SYN3: variants seen among roughly 807,000 people sequenced by gnomAD.
SYN3 encodes synapsin III.
Under a neutral mutation model 65.8 loss-of-function variants are expected in SYN3, and 35 were observed. The ratio of observed to expected loss-of-function variants is 0.53; its 90% CI spans 0.41 to 0.70. The LOEUF is 0.70. Among genes scored for constraint, SYN3 ranks in the 30% least tolerant of loss-of-function variants. The probability of loss-of-function intolerance (pLI) is 0.00; values close to 1 mark genes in which losing one functional copy is unlikely to be tolerated. For synonymous variants in SYN3, 270 were observed against 292.9 expected (o/e 0.92, Z 0.80); for missense variants, 680 against 749.0 (o/e 0.91, Z 1.08).
intron 2 of SYN3, 85 bp from the exon 3 acceptor site, chr22:32,980,787 T>TC: frequency 8.2e-7 from 1 of 1,217,746 alleles, no homozygotes; most frequent in Non-Finnish European, 1.2e-6. Flanking sequence ...ACCCCAGAGG[T>TC]GCATATTGAG....
intron 6 of SYN3, chr22:32,859,684 G>A: frequency 2.8e-6 from 1 of 359,632 alleles, no homozygotes; most frequent in Non-Finnish European, 5.0e-6. Flanking sequence ...TATTTTTTTA[G>A]GAAAACAAAA....
intron 6 of SYN3, among the ~76,000 whole-genome samples, chr22:32,851,532 G>A (rs2048217353): frequency 6.6e-6 from 1 of 152,144 alleles, no homozygotes; most frequent in Non-Finnish European, 1.5e-5. Flanking sequence ...CTCCCAGACT[G>A]GTGGGCTTAG....
intron 2 of SYN3, among the ~76,000 whole-genome samples, chr22:32,998,784 A>AC (rs1601874337): frequency 9.6e-5 from 13 of 135,870 alleles, no homozygotes; most frequent in Admixed American, 3.0e-4. Context: ...AGTAAAAAAA[A>AC]AAAAAAAAAA....
chr22:32,841,227 G>T (rs575265814), intron 6 of SYN3, among the ~76,000 whole-genome samples: 1 of 152,344 alleles, frequency 6.6e-6, no homozygotes, highest in East Asian at 1.9e-4. Flanking sequence ...AGAACCTGCT[G>T]CCCGGGGAGG....
chr22:32,535,114 G>C (rs1469635320), intron 9 of SYN3, among the ~76,000 whole-genome samples: 1 of 152,132 alleles, frequency 6.6e-6, no homozygotes, highest in Non-Finnish European at 1.5e-5. Flanking sequence ...GGAGGAACAG[G>C]CTCAGAGCGA....
At chr22:32,917,287 C>G (rs1454734611) in intron 4 of SYN3, among the ~76,000 whole-genome samples, 1 of 152,100 alleles carries the variant, frequency 6.6e-6, no homozygotes, top group Non-Finnish European at 1.5e-5. Context: ...CAATATTAAG[C>G]TGTGTCAACC....
intron 6 of SYN3, among the ~76,000 whole-genome samples, chr22:32,631,240 A>C (rs999244171): frequency 1.3e-5 from 2 of 151,660 alleles, no homozygotes; most frequent in East Asian, 3.9e-4. Flanking sequence ...GGTTGCAGTG[A>C]GCCAAGATCA....
intron 6 of SYN3, among the ~76,000 whole-genome samples, chr22:32,819,260 AGATCCCCAG>A (rs2047170973): frequency 6.6e-6 from 1 of 152,246 alleles, no homozygotes; most frequent in South Asian, 2.1e-4. Context: ...TGCTCACTGC[AGATCCCCAG>A]GACCAAAGGT....
In SYN3 at chr22:32,887,387, A is replaced by G. The variant is rs117827677; in HGVS notation, c.462-18262T>C. On this transcript the variant is annotated intron_variant, in intron 4 of 13. Coordinates refer to ENST00000358763, the MANE Select transcript of SYN3 (RefSeq NM_003490.4). ...CGAGACCGTGTCTCAGAAAAGAAAA[A>G]AAAAAAAGAACTGTGTGCAACTTCC... Among the ~76,000 whole-genome samples the G allele has an allele frequency of 1.5e-3, 222 of 152,228 alleles. 6 individuals carry two copies. In the East Asian group the frequency reaches 0.037, roughly 25 times the overall value.
chr22:32,930,101 G>A (rs572780384), intron 4 of SYN3, among the ~76,000 whole-genome samples: 43 of 152,268 alleles, frequency 2.8e-4, no homozygotes, highest in African/African-American at 1.0e-3. Flanking sequence ...AATAAAGAAT[G>A]GCTGAATTAG....
At chr22:32,882,461 A>G (rs2049168370) in intron 4 of SYN3, among the ~76,000 whole-genome samples, 1 of 152,198 alleles carries the variant, frequency 6.6e-6, no homozygotes, top group Non-Finnish European at 1.5e-5. Flanking sequence ...TTGTGAACAT[A>G]AGGGAAACAA....
At chr22:32,553,265 T>A (rs1484409537) in intron 7 of SYN3, among the ~76,000 whole-genome samples, 3 of 152,252 alleles carry the variant, frequency 2.0e-5, no homozygotes, top group African/African-American at 7.2e-5. Context: ...CCTTAAAGCA[T>A]GATTCAAAGA....
chr22:32,808,332 T>C (rs997429383), intron 6 of SYN3, among the ~76,000 whole-genome samples: 2 of 152,120 alleles, frequency 1.3e-5, no homozygotes, highest in Non-Finnish European at 2.9e-5. Context: ...CACTCATCTG[T>C]CTCCCTTCTT....
At chr22:32,997,543 C>A (rs143895010) in intron 2 of SYN3, among the ~76,000 whole-genome samples, 1 of 152,136 alleles carries the variant, frequency 6.6e-6, no homozygotes, top group East Asian at 1.9e-4. Context: ...GCTCTGCCCC[C>A]CTCACCTTTA....
rs532682732 is a variant in SYN3, at chr22:32,534,741, G to A, written c.993-846C>T. On this transcript the variant is annotated intron_variant, in intron 9 of 13. Transcript: ENST00000358763. ...CACGGGGCACGCCTACTCTCACATCGCTTTGCGTCTCTGAGCCACAAGTGC... is the reference window on the plus strand; with the variant it reads ...CACGGGGCACGCCTACTCTCACATCACTTTGCGTCTCTGAGCCACAAGTGC... 2.4e-4 allele frequency among the ~76,000 whole-genome samples: 36 copies of A among 152,240 alleles called. No homozygotes were observed. The South Asian group carries it at 7.0e-3, about 30-fold the overall frequency.
chr22:33,027,583 T>A (rs113913208), intron 1 of SYN3, among the ~76,000 whole-genome samples: 1 of 139,636 alleles, frequency 7.2e-6, no homozygotes, highest in African/African-American at 2.7e-5. Flanking sequence ...GGCGACAGAG[T>A]GAGACTCTGA....
intron 4 of SYN3, among the ~76,000 whole-genome samples, chr22:32,918,936 C>T (rs745661820): frequency 6.6e-6 from 1 of 152,196 alleles, no homozygotes; most frequent in Non-Finnish European, 1.5e-5. Context: ...GCTTTGCCTA[C>T]ACAGGTGGCC....
At position 32,538,095 on chromosome 22, in the gene SYN3, A is replaced by C; in HGVS notation, c.933T>G (p.Ser311=). ...AGCCTGTGTTGGCCTTCCAGTTCCC[A>C]GAGATGGAGGTTCTCCTGTACCAGA... is the stretch of plus-strand genomic sequence containing the variant. ...NYKAYMRTSI[S]GNWKANTGSA... is the part of the protein sequence containing the mutation. The change falls in exon 9 of 14, where the codon TCT becomes TCG. Residue 311 remains serine (S), a synonymous_variant. Transcript: ENST00000358763. The C allele has an allele frequency of 6.2e-7, 1 of 1,614,096 alleles. No homozygotes were observed.
chr22:32,540,661 G>C (rs12628159), intron 8 of SYN3, among the ~76,000 whole-genome samples: 54,542 of 152,052 alleles, frequency 0.36, 10,293 homozygotes, highest in East Asian at 0.7. Context: ...CCACCTCTAG[G>C]GTGAAGGCGG....
Sources: allele counts gnomAD v4.1 joint callset (sites outside exome capture counted in the v4.1 genomes callset), GRCh38; gene constraint gnomAD v4.1.1; transcripts MANE v1.5; gene names NCBI Gene and HGNC (gene_info 2026-07-23, HGNC 2026-07-21).